MTUS2: variants seen among roughly 807,000 people sequenced by gnomAD.
The protein encoded by MTUS2 is microtubule-associated tumor suppressor candidate 2.
MTUS2 carries 40 observed loss-of-function variants against 114.1 expected under a neutral mutation model. The ratio of observed to expected loss-of-function variants is 0.35; its 90% CI spans 0.27 to 0.46. The LOEUF is 0.46. Among genes scored for constraint, MTUS2 ranks in the 20% least tolerant of loss-of-function variants. The pLI, the probability that MTUS2 is intolerant of heterozygous loss-of-function variation, is 1.00. For synonymous variants in MTUS2, 688 were observed against 672.0 expected (o/e 1.02, Z -0.37); for missense variants, 1,679 against 1,705.4 (o/e 0.98, Z 0.27).
chr13:29,341,178 G>T (rs1214794394), intron 7 of MTUS2, among the ~76,000 whole-genome samples: 4 of 152,290 alleles, frequency 2.6e-5, no homozygotes, highest in Admixed American at 1.3e-4. Context: ...TAGTGGGATT[G>T]CTGGATTAAA....
intron 8 of MTUS2, among the ~76,000 whole-genome samples, chr13:29,361,959 CT>C (rs1400393649): frequency 1.3e-5 from 2 of 152,190 alleles, no homozygotes; most frequent in African/African-American, 2.4e-5. Context: ...ATCTCTGCCC[CT>C]ATCCAGTGGT....
intron 10 of MTUS2, among the ~76,000 whole-genome samples, chr13:29,483,050 C>T (rs924562730): frequency 3.3e-5 from 5 of 152,150 alleles, no homozygotes; most frequent in African/African-American, 7.2e-5. Flanking sequence ...TAGGATGATC[C>T]GTGGTTTCAG....
chr13:29,013,264 G>T (rs1274556129), intron 2 of MTUS2, among the ~76,000 whole-genome samples: 1 of 151,980 alleles, frequency 6.6e-6, no homozygotes, highest in East Asian at 1.9e-4. Flanking sequence ...TTTGTAGATG[G>T]CATGTTAATC....
intron 5 of MTUS2, among the ~76,000 whole-genome samples, chr13:29,149,591 G>T (rs367683688): frequency 3.9e-5 from 6 of 152,164 alleles, no homozygotes; most frequent in African/African-American, 1.4e-4. Flanking sequence ...TGAAATCTTT[G>T]CCCATGCCTA....
At chr13:29,116,678 T>A (rs1891102036) in intron 5 of MTUS2, among the ~76,000 whole-genome samples, 1 of 151,936 alleles carries the variant, frequency 6.6e-6, no homozygotes, top group African/African-American at 2.4e-5. Flanking sequence ...AACATAAGGG[T>A]TCCTTGAACA....
chr13:29,135,353 C>T (rs968467015), intron 5 of MTUS2, among the ~76,000 whole-genome samples: 3 of 152,150 alleles, frequency 2.0e-5, no homozygotes, highest in African/African-American at 7.2e-5. Flanking sequence ...CAGTTCTGCT[C>T]TCTTTTGGTT....
At chr13:29,258,435 T>C (rs1462175508) in intron 5 of MTUS2, among the ~76,000 whole-genome samples, 1 of 152,184 alleles carries the variant, frequency 6.6e-6, no homozygotes, top group Non-Finnish European at 1.5e-5. Context: ...TCATCTCCCA[T>C]TCTTAAAGGC....
chr13:29,447,740 T>C (rs937422331), intron 9 of MTUS2, among the ~76,000 whole-genome samples: 6 of 151,560 alleles, frequency 4.0e-5, no homozygotes, highest in African/African-American at 1.5e-4. Flanking sequence ...CCCCAGGTGG[T>C]GGTGGTTGTG....
intron 5 of MTUS2, among the ~76,000 whole-genome samples, chr13:29,179,890 A>C (rs368549270): frequency 8.0e-4 from 122 of 152,328 alleles, no homozygotes; most frequent in African/African-American, 2.9e-3. Context: ...AGGATGGGTT[A>C]TAAATAAACT....
intron 6 of MTUS2, chr13:29,307,147 C>T (rs1286554271): frequency 1.2e-5 from 6 of 483,938 alleles, no homozygotes; most frequent in Non-Finnish European, 2.3e-5. Flanking sequence ...CCTTTCTGCC[C>T]CCTCTGCCAA....
intron 8 of MTUS2, among the ~76,000 whole-genome samples, chr13:29,365,532 T>TGTGTGTGTGTGTGTG (rs1870640311): frequency 8.4e-5 from 1 of 11,876 alleles, no homozygotes; most frequent in Non-Finnish European, 4.1e-4. Flanking sequence ...GTGTGTGTAA[T>TGTGTGTGTGTGTGTG]TAAATGTCAC....
At chr13:29,335,345 T>A (rs1431090386) in intron 7 of MTUS2, among the ~76,000 whole-genome samples, 1 of 152,304 alleles carries the variant, frequency 6.6e-6, no homozygotes, top group South Asian at 2.1e-4. Context: ...GGTTGTCTGC[T>A]CTCAAACCCT....
At chr13:29,489,160 A>G (rs1031639362) in intron 11 of MTUS2, among the ~76,000 whole-genome samples, 1 of 152,086 alleles carries the variant, frequency 6.6e-6, no homozygotes, top group African/African-American at 2.4e-5. Context: ...TGGGCTGGCT[A>G]CACGGGAGGT....
At chr13:28,907,547 G>A (rs1444042293) in intron 2 of MTUS2, among the ~76,000 whole-genome samples, 12 of 151,392 alleles carry the variant, frequency 7.9e-5, no homozygotes, top group Admixed American at 7.9e-4. Flanking sequence ...AAAATAAAGG[G>A]ATGGAGGAAG....
At chr13:28,916,625 T>C (rs1880759988) in intron 2 of MTUS2, among the ~76,000 whole-genome samples, 1 of 151,922 alleles carries the variant, frequency 6.6e-6, no homozygotes, top group Admixed American at 6.6e-5. Flanking sequence ...TTTTCTATTC[T>C]GCAACTTTAC....
At chr13:28,993,744 T>C (rs940244026) in intron 2 of MTUS2, among the ~76,000 whole-genome samples, 4 of 152,170 alleles carry the variant, frequency 2.6e-5, no homozygotes, top group African/African-American at 7.2e-5. Flanking sequence ...CTGGGTTCTC[T>C]ATTCCATTCC....
At chr13:29,019,320 G>C (rs1359638411) in intron 2 of MTUS2, among the ~76,000 whole-genome samples, 2 of 152,244 alleles carry the variant, frequency 1.3e-5, no homozygotes, top group African/African-American at 4.8e-5. Flanking sequence ...CTGCTGTTTT[G>C]TCCCCTGCTG....
At chr13:29,158,126 C>A (rs34379728) in intron 5 of MTUS2, among the ~76,000 whole-genome samples, 26,281 of 152,032 alleles carry the variant, frequency 0.17, 4,711 homozygotes, top group African/African-American at 0.46. Context: ...GCTCTTCACT[C>A]CAAGGGGACT....
chr13:29,201,935 C>T (rs1894975900), intron 5 of MTUS2, among the ~76,000 whole-genome samples: 1 of 152,198 alleles, frequency 6.6e-6, no homozygotes, highest in Admixed American at 6.5e-5. Context: ...CTGCCCTTAA[C>T]ATTCTTTCTT....
Sources: gnomAD v4.1 joint callset for allele counts (sites outside exome capture counted in the v4.1 genomes callset) on GRCh38, gnomAD v4.1.1 for gene constraint, MANE v1.5 for transcripts, NCBI Gene and HGNC (gene_info 2026-07-23, HGNC 2026-07-21) for gene names.